SGCD: variants seen among roughly 807,000 people sequenced by gnomAD.
SGCD encodes delta-sarcoglycan.
Under a neutral mutation model 36.6 loss-of-function variants are expected in SGCD, and 18 were observed. That is an observed-to-expected ratio of 0.49 (90% confidence interval 0.34 to 0.73). The LOEUF (loss-of-function observed/expected upper bound fraction) is 0.73. SGCD is among the 30% of genes least tolerant of loss of function. The pLI, the probability that SGCD is intolerant of heterozygous loss-of-function variation, is 0.01. For synonymous variants in SGCD, 133 were observed against 130.6 expected, an observed-to-expected ratio of 1.02 and a Z score of -0.12; for missense variants, 387 against 346.7, an observed-to-expected ratio of 1.12 and a Z score of -0.92.
At chr5:156,594,250 A>T (rs1456279276) in intron 5 of SGCD, among the ~76,000 whole-genome samples, 2 of 152,184 alleles carry the variant, frequency 1.3e-5, no homozygotes, top group African/African-American at 4.8e-5. Context: ...GATGCTATGG[A>T]ATCGGGCTTG....
chr5:156,443,649 G>C (rs371883394), intron 3 of SGCD, among the ~76,000 whole-genome samples: 16 of 152,188 alleles, frequency 1.1e-4, no homozygotes, highest in African/African-American at 1.4e-4. Context: ...TAGGAGCAAC[G>C]GGAGCACTAG....
chr5:156,165,541 C>A (rs1763193532), intron 3 of SGCD, among the ~76,000 whole-genome samples: 1 of 152,098 alleles, frequency 6.6e-6, no homozygotes, highest in South Asian at 2.1e-4. Flanking sequence ...TGATGGATCC[C>A]AGATGTTTCA....
chr5:156,111,818 AC>A, intron 1 of SGCD, among the ~76,000 whole-genome samples: 1 of 150,962 alleles, frequency 6.6e-6, no homozygotes, highest in Admixed American at 6.6e-5. Context: ...TTGCTCTGTC[AC>A]CCAGGCTGGA....
At chr5:156,722,875 C>T (rs1755578356) in intron 7 of SGCD, among the ~76,000 whole-genome samples, 1 of 152,238 alleles carries the variant, frequency 6.6e-6, no homozygotes, top group Non-Finnish European at 1.5e-5. Context: ...CACATCCTAT[C>T]ACCTTTTTGT....
At position 156,369,225 on chromosome 5, in the gene SGCD, T is replaced by C. The variant is rs137957009; in HGVS notation, c.192+24548T>C. ...AGTGCTTAGAACTGAGTAGTGAACATAGTTGATACTCCATAAGGACTTTTG... is the reference window on the plus strand; with the variant it reads ...AGTGCTTAGAACTGAGTAGTGAACACAGTTGATACTCCATAAGGACTTTTG... On this transcript the variant is annotated intron_variant, in intron 3 of 8. Coordinates refer to ENST00000337851, the MANE Select transcript of SGCD (RefSeq NM_000337.6). Among the ~76,000 whole-genome samples, 651 of 152,350 alleles carry C rather than the reference T, an allele frequency of 4.3e-3. 2 individuals carry two copies. Among genetic ancestry groups the C allele is most frequent in the South Asian group, 0.011 (54 of 4,828 alleles).
intron 3 of SGCD, among the ~76,000 whole-genome samples, chr5:156,500,404 T>C (rs1404731498): frequency 6.6e-6 from 1 of 152,214 alleles, no homozygotes; most frequent in Admixed American, 6.5e-5. Flanking sequence ...TATAATTGTT[T>C]TGGATCCAAA....
intron 1 of SGCD, among the ~76,000 whole-genome samples, chr5:155,921,094 G>A (rs942927919): frequency 1.4e-4 from 21 of 152,218 alleles, no homozygotes; most frequent in Admixed American, 1.1e-3. Context: ...ATAAAAACAC[G>A]GTGTCTAAGG....
intron 1 of SGCD, among the ~76,000 whole-genome samples, chr5:155,877,139 T>A (rs930469418): frequency 1.3e-5 from 2 of 152,224 alleles, no homozygotes. Flanking sequence ...AAAATGCAAA[T>A]GCTACAAGAA....
chr5:156,743,251 A>G (rs902724936), intron 7 of SGCD, among the ~76,000 whole-genome samples: 13 of 151,912 alleles, frequency 8.6e-5, no homozygotes, highest in Non-Finnish European at 1.8e-4. Context: ...AGCTGGGATT[A>G]CAGGCACCCA....
chr5:156,458,163 G>T (rs1754335812), intron 3 of SGCD, among the ~76,000 whole-genome samples: 1 of 150,684 alleles, frequency 6.6e-6, no homozygotes. Flanking sequence ...TCATTCCCCA[G>T]CAGGCAGGCA....
chr5:156,145,521 A>G (rs1360644358), intron 3 of SGCD, among the ~76,000 whole-genome samples: 2 of 152,212 alleles, frequency 1.3e-5, no homozygotes, highest in Non-Finnish European at 2.9e-5. Flanking sequence ...AGGCCCCTCT[A>G]TATCCTTTTT....
At chr5:155,789,938 G>C in the SGCD span, among the ~76,000 whole-genome samples, 1 of 152,028 alleles carries the variant, frequency 6.6e-6, no homozygotes, top group Admixed American at 6.6e-5. Flanking sequence ...TTTCTTAGTA[G>C]TTCTTCTTTT....
chr5:156,458,035 C>G (rs977180428), intron 3 of SGCD, among the ~76,000 whole-genome samples: 5 of 152,148 alleles, frequency 3.3e-5, no homozygotes, highest in Admixed American at 1.3e-4. Context: ...ACGCCCAAGT[C>G]TTTCTGTGGC....
chr5:155,814,529 C>T, the SGCD span, among the ~76,000 whole-genome samples: 1 of 152,158 alleles, frequency 6.6e-6, no homozygotes, highest in South Asian at 2.1e-4. Flanking sequence ...GTGGCAGAGG[C>T]ATTCACTGTG....
chr5:155,922,186 G>T lies in SGCD; in HGVS notation c.-282+51762G>T, dbSNP rs545730908. On this transcript the variant is annotated intron_variant, in intron 1 of 9. Coordinates refer to the SGCD transcript ENST00000517913. ...CTTAAGATGTTTGTTGATCGTTAGG[G>T]CTCCATTGAGTTTTAATGCTGTGGG... Among the ~76,000 whole-genome samples the T allele has an allele frequency of 2.0e-5, 3 of 152,252 alleles. No individual in the cohort carries two copies. The East Asian group carries it at 5.8e-4, about 29-fold the overall frequency.
chr5:155,885,829 T>G (rs1396476323), intron 1 of SGCD, among the ~76,000 whole-genome samples: 1 of 152,224 alleles, frequency 6.6e-6, no homozygotes, highest in African/African-American at 2.4e-5. Flanking sequence ...TCTACGTTGA[T>G]GAAAGAAGAG....
At chr5:156,046,487 T>C (rs10036328) in intron 1 of SGCD, among the ~76,000 whole-genome samples, 204 of 152,288 alleles carry the variant, frequency 1.3e-3, no homozygotes, top group African/African-American at 4.7e-3. Context: ...TCCAAAAGTG[T>C]GTGCTCACTT....
the SGCD span, among the ~76,000 whole-genome samples, chr5:155,728,000 C>T: frequency 6.2e-4 from 95 of 152,282 alleles, no homozygotes; most frequent in Middle Eastern, 6.8e-3. Context: ...CGGAGTGGAG[C>T]TCCCCCCACC....
intron 1 of SGCD, among the ~76,000 whole-genome samples, chr5:155,878,166 A>T (rs2113289189): frequency 6.6e-6 from 1 of 152,220 alleles, no homozygotes; most frequent in African/African-American, 2.4e-5. Context: ...TTACAGAAAA[A>T]CAACAACAAC....
Sources: allele counts gnomAD v4.1 joint callset (sites outside exome capture counted in the v4.1 genomes callset), GRCh38; gene constraint gnomAD v4.1.1; transcripts MANE v1.5; gene names NCBI Gene and HGNC (gene_info 2026-07-23, HGNC 2026-07-21).